GTF2I: variants seen among roughly 807,000 people sequenced by gnomAD.
GTF2I encodes general transcription factor II-I.
GTF2I carries 12 observed loss-of-function variants against 67.6 expected under a neutral mutation model. The ratio of observed to expected loss-of-function variants is 0.18; its 90% confidence interval spans 0.11 to 0.29. GTF2I has a LOEUF of 0.29. Ranked by LOEUF, GTF2I falls within the 10% of genes least tolerant of loss-of-function variation. The pLI is 1.00. For synonymous variants in GTF2I, 149 were observed against 197.0 expected (o/e 0.76, Z 2.04); for missense variants, 271 against 580.1 (o/e 0.47, Z 5.47).
Position 74,732,669 on chromosome 7 carries a change from C to T in GTF2I, c.1304+7C>T. ...TTCGTTTTGTGATTAAGAAGTAAGA[C>T]TCTTGGATTCCTGTTGAACTCTTGT... On this transcript the variant is annotated splice_region_variant and intron_variant, in intron 15 of 34. Transcript: ENST00000573035. The T allele has an allele frequency of 6.5e-7, 1 of 1,544,960 alleles. No individual in the cohort carries two copies. The highest frequency in any genetic ancestry group is 8.7e-7 in the Non-Finnish European group (1 of 1,150,530).
In GTF2I at chr7:74,700,348, T is replaced by C; in HGVS notation, c.475T>C (p.Phe159Leu). ...GCAGGGGCTTCCGGAAGGTGTTGCC[T>C]TTAAACACCCCGAGAACTATGATCT... ...VVQGLPEGVAFKHPENYDLAT... is the reference protein window; with the variant it reads ...VVQGLPEGVALKHPENYDLAT... The change falls in exon 5 of 35, where the codon TTT becomes CTT. Residue 159 changes from phenylalanine to leucine, a missense_variant. By Grantham distance (22) the Phe-to-Leu change is conservative. Coordinates refer to ENST00000573035, the MANE Select transcript of GTF2I (RefSeq NM_032999.4). The C allele has an allele frequency of 6.2e-7, 1 of 1,614,172 alleles. No individual in the cohort carries two copies.
intron 14 of GTF2I, among the ~76,000 whole-genome samples, chr7:74,731,243 C>T (rs2131518014): frequency 7.2e-6 from 1 of 138,666 alleles, no homozygotes; most frequent in South Asian, 2.4e-4. Context: ...TTTACTTTGC[C>T]ATTAACTAGC....
chr7:74,706,437 T>C lies in GTF2I; in HGVS notation c.685+4T>C, dbSNP rs1790699882. 6.2e-7 allele frequency: 1 copy of C among 1,600,868 alleles called. No homozygotes were observed. The highest frequency in any genetic ancestry group is 8.6e-7 in the Non-Finnish European group (1 of 1,168,088). The stretch of plus-strand genomic sequence containing the variant: ...ACTGAACCCACAGAAGATTCTGGTA[T>C]GTACTAGCACTTTTAGAATCAATGG... On this transcript the variant is annotated splice_donor_region_variant and intron_variant, in intron 8 of 34. Transcript: ENST00000573035.
At chr7:74,692,887 C>T (rs1469793396) in intron 3 of GTF2I, among the ~76,000 whole-genome samples, 2 of 151,872 alleles carry the variant, frequency 1.3e-5, no homozygotes, top group Admixed American at 6.6e-5. Context: ...CTCAGCCTCC[C>T]GAGTAGCTGG....
chr7:74,718,337 T>C (rs868972006), intron 11 of GTF2I, among the ~76,000 whole-genome samples: 5 of 152,352 alleles, frequency 3.3e-5, no homozygotes, highest in Middle Eastern at 6.8e-3. Flanking sequence ...TTGTCTTGTG[T>C]AGGAACAAAT....
intron 1 of GTF2I, among the ~76,000 whole-genome samples, chr7:74,668,152 G>A (rs1805144835): frequency 1.5e-5 from 2 of 131,736 alleles, no homozygotes; most frequent in South Asian, 5.2e-4. Context: ...TTAAGTGTAT[G>A]TATAGTTCAG....
At chr7:74,680,993 A>G (rs1554393992) in intron 1 of GTF2I, among the ~76,000 whole-genome samples, 1 of 152,232 alleles carries the variant, frequency 6.6e-6, no homozygotes, top group African/African-American at 2.4e-5. Context: ...TCACATATAC[A>G]GTAGCCAACC....
chr7:74,722,652 G>A (rs782501418), intron 12 of GTF2I: 2 of 151,948 alleles, frequency 1.3e-5, no homozygotes, highest in East Asian at 1.9e-4. Flanking sequence ...TGAATTTTAC[G>A]TCTTCCTAAG....
chr7:74,658,656 G>T (rs1554384852), intron 1 of GTF2I, among the ~76,000 whole-genome samples: 2 of 150,442 alleles, frequency 1.3e-5, no homozygotes, highest in African/African-American at 4.8e-5. Context: ...ACTGCGGCGG[G>T]CGGGGGAGCG....
chr7:74,712,170 C>G (rs949092767), intron 9 of GTF2I, among the ~76,000 whole-genome samples: 5 of 151,952 alleles, frequency 3.3e-5, no homozygotes, highest in African/African-American at 9.7e-5. Context: ...AGGCTGGTCT[C>G]GAGCTCCTGA....
chr7:74,685,179 A>G (rs1787599044), intron 1 of GTF2I, among the ~76,000 whole-genome samples: 2 of 152,214 alleles, frequency 1.3e-5, no homozygotes, highest in Admixed American at 6.5e-5. Flanking sequence ...ATCAGAGACT[A>G]AAGTGAAGTT....
At chr7:74,723,733 G>A (rs1217075764) in intron 12 of GTF2I, among the ~76,000 whole-genome samples, 3 of 151,796 alleles carry the variant, frequency 2.0e-5, no homozygotes, top group Non-Finnish European at 2.9e-5. Context: ...GCCTGGCCAC[G>A]GTGCTAAGAA....
intron 1 of GTF2I, among the ~76,000 whole-genome samples, chr7:74,660,180 C>CT (rs34002417): frequency 0.017 from 2,252 of 135,760 alleles, 11 homozygotes; most frequent in African/African-American, 0.021. Context: ...AAGGTCTTCT[C>CT]TTTTTTTTTT....
intron 3 of GTF2I, among the ~76,000 whole-genome samples, chr7:74,695,037 A>G (rs1272547773): frequency 6.6e-6 from 1 of 152,244 alleles, no homozygotes; most frequent in Admixed American, 6.5e-5. Flanking sequence ...ACTGCTCAGA[A>G]AAAAAGATTG....
chr7:74,669,487 T>G (rs1193776568), intron 1 of GTF2I, among the ~76,000 whole-genome samples: 2 of 151,114 alleles, frequency 1.3e-5, no homozygotes, highest in Non-Finnish European at 2.9e-5. Flanking sequence ...CGCCTAGGCC[T>G]CCCAAACTGT....
At chr7:74,692,985 C>T (rs1554397438) in intron 3 of GTF2I, among the ~76,000 whole-genome samples, 2 of 152,132 alleles carry the variant, frequency 1.3e-5, no homozygotes, top group Non-Finnish European at 2.9e-5. Flanking sequence ...TGGTCTCGTA[C>T]TCCTGACCTC....
At chr7:74,669,674 C>T (rs1554389909) in intron 1 of GTF2I, among the ~76,000 whole-genome samples, 1 of 151,724 alleles carries the variant, frequency 6.6e-6, no homozygotes, top group African/African-American at 2.4e-5. Flanking sequence ...GCTGGGACTA[C>T]AGGTGCACGC....
chr7:74,658,455 A>AGCGG (rs1461126009), intron 1 of GTF2I, among the ~76,000 whole-genome samples: 23 of 143,312 alleles, frequency 1.6e-4, no homozygotes, highest in African/African-American at 5.9e-4. Flanking sequence ...CGAGCGAGCG[A>AGCGG]GCGGCCCTGC....
intron 24 of GTF2I, among the ~76,000 whole-genome samples, chr7:74,748,611 C>G (rs1795595865): frequency 6.8e-6 from 1 of 147,128 alleles, no homozygotes; most frequent in African/African-American, 2.5e-5. Flanking sequence ...TTTATTTCTT[C>G]TTAAAGATGC....
Sources: allele counts gnomAD v4.1 joint callset (sites outside exome capture counted in the v4.1 genomes callset), GRCh38; gene constraint gnomAD v4.1.1; transcripts MANE v1.5; gene names NCBI Gene and HGNC (gene_info 2026-07-23, HGNC 2026-07-21).